The following PRR14L variants were observed in gnomAD, a reference collection of about 807,000 sequenced individuals.
PRR14L encodes proline rich 14 like, also known as protein PRR14L.
In PRR14L, 80 loss-of-function variants were observed where a neutral mutation model predicts 155.0. The observed-to-expected ratio is 0.52, with a 90% CI of 0.43 to 0.62. The LOEUF (loss-of-function observed/expected upper bound fraction) is 0.62, where lower values mean the gene tolerates loss of function less well. Among genes scored for constraint, PRR14L ranks in the 20% least tolerant of loss-of-function variants. The pLI is 0.00. For synonymous variants in PRR14L, 883 were observed against 916.0 expected, an observed-to-expected ratio of 0.96 and a Z score of 0.65; for missense variants, 2,469 against 2,548.0, an observed-to-expected ratio of 0.97 and a Z score of 0.67.
chr22:31,723,278 G>A (rs1335260206), intron 3 of PRR14L, among the ~76,000 whole-genome samples: 1 of 152,176 alleles, frequency 6.6e-6, no homozygotes, highest in African/African-American at 2.4e-5. Flanking sequence ...AGAACATGAA[G>A]AAAAGTGTCA....
chr22:31,688,921 C>A (rs2074497077), intron 7 of PRR14L, among the ~76,000 whole-genome samples: 1 of 151,940 alleles, frequency 6.6e-6, no homozygotes, highest in African/African-American at 2.4e-5. Context: ...CACACACACA[C>A]ACACAAAAAC....
At chr22:31,705,737 C>A (rs575815057) in intron 4 of PRR14L, among the ~76,000 whole-genome samples, 90 of 151,932 alleles carry the variant, frequency 5.9e-4, no homozygotes, top group Non-Finnish European at 1.1e-3. Flanking sequence ...CAGTGGCTCA[C>A]ACCTGTAATC....
chr22:31,714,554 G>A lies in PRR14L; in HGVS notation c.3285C>T (p.Thr1095=). 1 of 1,551,956 alleles carries A rather than the reference G, an allele frequency of 6.4e-7. No individual in the cohort carries two copies. Residue 1095 remains threonine (T), a synonymous_variant, in exon 4 of 9, where the codon ACC becomes ACT. Coordinates refer to ENST00000327423, the MANE Select transcript of PRR14L (RefSeq NM_173566.3). ...KLAFQEDSRS[T]LSRRELDAAH... ...CAGCATCCAGTTCTCTCCGAGACAA[G>A]GTACTCCTGGAGTCCTCTTGAAATG...
intron 4 of PRR14L, among the ~76,000 whole-genome samples, chr22:31,706,647 C>G (rs1601499450): frequency 6.6e-6 from 1 of 152,044 alleles, no homozygotes; most frequent in Non-Finnish European, 1.5e-5. Context: ...TGGTCTCGAA[C>G]TCCTGACCTT....
chr22:31,688,297 C>G, intron 7 of PRR14L, 70 bp from the exon 8 acceptor site: 4 of 1,451,116 alleles, frequency 2.8e-6, no homozygotes, highest in Non-Finnish European at 2.7e-6. Flanking sequence ...AGGTCTTGCT[C>G]TGTTGCCCAG....
rs752521525 is a variant in PRR14L, at chr22:31,716,028, T to C, written c.1811A>G (p.Asp604Gly). Residue 604 changes from aspartate to glycine, a missense_variant, in exon 4 of 9, where the codon GAT becomes GGT. Physicochemically the swap from Asp to Gly is moderately conservative, Grantham distance 94. This residue lies in a region of PRR14L where 2,363 missense variants were observed against 2,371.6 expected (regional missense o/e 1.00). Transcript: ENST00000327423. ...TALLLPSPEF[D>G]YRPESEKVIQ... The stretch of plus-strand genomic sequence containing the variant: ...AACTTTTTCTGACTCAGGTCTGTAA[T>C]CAAATTCTGGGGATGGTAGCAACAG... 24 of 1,550,620 alleles carry C rather than the reference T, an allele frequency of 1.5e-5. No homozygotes were observed. In the South Asian group the frequency reaches 1.7e-4, roughly 11 times the overall value.
At chr22:31,741,043 G>A (rs1024857279) in intron 1 of PRR14L, among the ~76,000 whole-genome samples, 4 of 151,876 alleles carry the variant, frequency 2.6e-5, no homozygotes, top group African/African-American at 7.3e-5. Context: ...CACGAGGTCA[G>A]GAGATCAAGA....
intron 4 of PRR14L, among the ~76,000 whole-genome samples, chr22:31,710,298 C>T (rs868341927): frequency 7.9e-5 from 12 of 152,160 alleles, no homozygotes; most frequent in Non-Finnish European, 1.5e-4. Flanking sequence ...ACACAATGAA[C>T]AAGGCCCTCC....
chr22:31,741,355 G>A (rs536278445), intron 1 of PRR14L, among the ~76,000 whole-genome samples: 3 of 151,066 alleles, frequency 2.0e-5, no homozygotes, highest in East Asian at 1.9e-4. Flanking sequence ...CCAGCTACTC[G>A]GGAGGCTGAG....
At chr22:31,725,424 C>T (rs1032822008) in intron 3 of PRR14L, 114 bp downstream of exon 3, 1 of 694,668 alleles carries the variant, frequency 1.4e-6, no homozygotes, top group Non-Finnish European at 2.6e-6. Context: ...TAGTTAAGTA[C>T]ACCTTACAAG....
At chr22:31,692,679 T>A (rs1291008361) in intron 7 of PRR14L, among the ~76,000 whole-genome samples, 2 of 152,208 alleles carry the variant, frequency 1.3e-5, no homozygotes, top group African/African-American at 4.8e-5. Flanking sequence ...TCTCACTCTC[T>A]TGCCCAAACT....
rs573852928 is a variant in PRR14L, at chr22:31,682,601, A to C, written c.*2926T>G. On this transcript the variant is annotated 3_prime_UTR_variant, in exon 9 of 9. Transcript: ENST00000327423. The stretch of plus-strand genomic sequence containing the variant: ...TAGAAACTGAAAGATGGAAAAAAAA[A>C]CAAAAAACAAAACACAGTTGAAAGT... 3.3e-5 allele frequency: 5 copies of C among 152,262 alleles called. No homozygotes were observed. The highest frequency in any genetic ancestry group is 7.2e-5 in the African/African-American group (3 of 41,508). 9.4% of individuals were successfully genotyped at this position (152,262 alleles called of 1,614,324 possible). A position where few individuals can be genotyped will look rare whatever the true frequency, so the allele number is the denominator to read the frequency against.
intron 4 of PRR14L, among the ~76,000 whole-genome samples, chr22:31,711,522 T>C (rs1346858180): frequency 6.6e-6 from 1 of 151,808 alleles, no homozygotes; most frequent in African/African-American, 2.4e-5. Flanking sequence ...GGCTTATGCA[T>C]GCAATCCTAG....
At chr22:31,737,708 G>A (rs1176302739) in intron 2 of PRR14L, among the ~76,000 whole-genome samples, 3 of 151,800 alleles carry the variant, frequency 2.0e-5, no homozygotes, top group Non-Finnish European at 4.4e-5. Flanking sequence ...CAACCTCTCT[G>A]GGTATAATTT....
chr22:31,743,289 C>G (rs887360560), intron 1 of PRR14L, among the ~76,000 whole-genome samples: 1 of 151,096 alleles, frequency 6.6e-6, no homozygotes, highest in Non-Finnish European at 1.5e-5. Context: ...GAGACAAAAC[C>G]GAAAGTCTGT....
chr22:31,692,643 GGAGA>G (rs1338825357), intron 7 of PRR14L, among the ~76,000 whole-genome samples: 1 of 152,026 alleles, frequency 6.6e-6, no homozygotes, highest in Non-Finnish European at 1.5e-5. Context: ...GTTTTTTGTG[GGAGA>G]GAGTTGGGCA....
At chr22:31,709,830 G>A (rs768868496) in intron 4 of PRR14L, among the ~76,000 whole-genome samples, 4 of 149,260 alleles carry the variant, frequency 2.7e-5, no homozygotes, top group South Asian at 2.1e-4. Flanking sequence ...CACGAGCCAC[G>A]GTGCCCAGCT....
chr22:31,705,155 A>C (rs555276749), intron 4 of PRR14L, among the ~76,000 whole-genome samples: 1 of 152,236 alleles, frequency 6.6e-6, no homozygotes, highest in East Asian at 1.9e-4. Context: ...CAGCTACTCA[A>C]GAGGCTGGGG....
intron 4 of PRR14L, among the ~76,000 whole-genome samples, chr22:31,710,382 A>T (rs1225969546): frequency 6.6e-6 from 1 of 152,242 alleles, no homozygotes; most frequent in African/African-American, 2.4e-5. Flanking sequence ...AGGGCAAATT[A>T]AAAAATATTT....
Sources: gnomAD v4.1 joint callset for allele counts (sites outside exome capture counted in the v4.1 genomes callset) on GRCh38, gnomAD v4.1.1 for gene constraint, gnomAD v4.1.1 regional missense constraint, MANE v1.5 for transcripts, NCBI Gene and HGNC (gene_info 2026-07-23, HGNC 2026-07-21) for gene names.